DLG2: variants seen among roughly 807,000 people sequenced by gnomAD.
DLG2 encodes disks large homolog 2.
DLG2 carries 45 observed loss-of-function variants against 132.5 expected under a neutral mutation model. The observed-to-expected ratio is 0.34, with a 90% CI of 0.27 to 0.44. The LOEUF (loss-of-function observed/expected upper bound fraction) is 0.44, where lower values mean the gene tolerates loss of function less well. Among genes scored for constraint, DLG2 ranks in the 20% least tolerant of loss-of-function variants. The probability of loss-of-function intolerance (pLI) is 1.00; values close to 1 mark genes in which losing one functional copy is unlikely to be tolerated. For synonymous variants in DLG2, 424 were observed against 419.6 expected (o/e 1.01, Z -0.13); for missense variants, 1,045 against 1,196.9 (o/e 0.87, Z 1.87).
chr11:84,634,700 T>C (rs1189718644), intron 6 of DLG2, among the ~76,000 whole-genome samples: 2 of 152,226 alleles, frequency 1.3e-5, no homozygotes, highest in Non-Finnish European at 2.9e-5. Flanking sequence ...ATTTAATTTA[T>C]CCAAAGTTAT....
intron 4 of DLG2, among the ~76,000 whole-genome samples, chr11:85,195,419 G>A (rs566890597): frequency 6.6e-6 from 1 of 151,906 alleles, no homozygotes; most frequent in East Asian, 1.9e-4. Flanking sequence ...GGTCTGAGGA[G>A]AAGAAAATAA....
At position 85,356,840 on chromosome 11, in the gene DLG2, G is replaced by T. The variant is rs535263820; in HGVS notation, c.41-71475C>A. On this transcript the variant is annotated intron_variant, in intron 3 of 27. Transcript: ENST00000376104. ...GATAGATAGATAGAGATGATAGACAGACACACACTCTTTCATTTTGCTCAG... is the reference window on the plus strand; with the variant it reads ...GATAGATAGATAGAGATGATAGACATACACACACTCTTTCATTTTGCTCAG... Among the ~76,000 whole-genome samples, 6 of 151,702 alleles carry T rather than the reference G, an allele frequency of 4.0e-5. No individual in the cohort carries two copies. The South Asian group carries it at 1.3e-3, about 32-fold the overall frequency.
chr11:85,623,604 T>A (rs1198218065), intron 2 of DLG2, among the ~76,000 whole-genome samples: 1 of 152,092 alleles, frequency 6.6e-6, no homozygotes, highest in Non-Finnish European at 1.5e-5. Context: ...CGCCTGGCAA[T>A]AGGACAATTT....
intron 3 of DLG2, among the ~76,000 whole-genome samples, chr11:85,372,005 A>G (rs1170426407): frequency 6.6e-6 from 1 of 152,260 alleles, no homozygotes; most frequent in Non-Finnish European, 1.5e-5. Flanking sequence ...TATATTTCAA[A>G]ACTTATACAT....
intron 6 of DLG2, among the ~76,000 whole-genome samples, chr11:84,714,623 T>TTCTCTTTCTCTTTCTCTTTCTC (rs2060951658): frequency 9.5e-6 from 1 of 104,992 alleles, no homozygotes; most frequent in African/African-American, 4.3e-5. Flanking sequence ...CTCTTTCTCT[T>TTCTCTTTCTCTTTCTCTTTCTC]TCTCTCTCTC....
chr11:83,569,734 C>T (rs2096766862), intron 19 of DLG2, among the ~76,000 whole-genome samples: 2 of 152,150 alleles, frequency 1.3e-5, no homozygotes, highest in African/African-American at 2.4e-5. Context: ...GGACATGTCA[C>T]ACAACAAAGA....
chr11:85,461,984 G>A (rs2092630241), intron 3 of DLG2, among the ~76,000 whole-genome samples: 1 of 152,098 alleles, frequency 6.6e-6, no homozygotes, highest in Admixed American at 6.5e-5. Context: ...CCAAAAAGTG[G>A]GCAAAGGATA....
intron 6 of DLG2, among the ~76,000 whole-genome samples, chr11:85,054,173 G>A (rs1229985966): frequency 4.0e-5 from 6 of 151,508 alleles, no homozygotes; most frequent in African/African-American, 1.5e-4. Flanking sequence ...GCTGAGGCAC[G>A]AGAATCGCTT....
At chr11:84,840,257 C>T (rs989880416) in intron 6 of DLG2, among the ~76,000 whole-genome samples, 2 of 152,094 alleles carry the variant, frequency 1.3e-5, no homozygotes, top group African/African-American at 4.8e-5. Flanking sequence ...CATTACTGGC[C>T]ATCAGAGAAA....
chr11:85,334,635 A>C (rs2082002750), intron 3 of DLG2, among the ~76,000 whole-genome samples: 1 of 151,678 alleles, frequency 6.6e-6, no homozygotes, highest in Admixed American at 6.6e-5. Flanking sequence ...TCTTTTTTTC[A>C]TTGGTTCTAA....
intron 6 of DLG2, among the ~76,000 whole-genome samples, chr11:85,056,898 C>CA (rs1265739171): frequency 1.3e-5 from 2 of 151,656 alleles, no homozygotes; most frequent in African/African-American, 4.8e-5. Context: ...TTTCATCAAA[C>CA]AAAAAACAAT....
At chr11:85,062,023 G>A (rs2064196950) in intron 6 of DLG2, among the ~76,000 whole-genome samples, 1 of 151,768 alleles carries the variant, frequency 6.6e-6, no homozygotes, top group Non-Finnish European at 1.5e-5. Context: ...GAAGATTGAA[G>A]ATGAACATAA....
At chr11:84,810,241 T>C (rs545715317) in intron 6 of DLG2, among the ~76,000 whole-genome samples, 1 of 152,110 alleles carries the variant, frequency 6.6e-6, no homozygotes, top group Non-Finnish European at 1.5e-5. Flanking sequence ...TGAGAATATA[T>C]AAAGAACTGT....
chr11:84,837,770 T>C (rs1162515976), intron 6 of DLG2, among the ~76,000 whole-genome samples: 1 of 151,862 alleles, frequency 6.6e-6, no homozygotes, highest in Non-Finnish European at 1.5e-5. Flanking sequence ...AGTGGAATAA[T>C]AATGTAATTC....
At chr11:83,889,245 C>T (rs2068917732) in intron 15 of DLG2, among the ~76,000 whole-genome samples, 2 of 151,806 alleles carry the variant, frequency 1.3e-5, no homozygotes, top group African/African-American at 2.4e-5. Context: ...ACAATGAACT[C>T]AAACAAATTT....
In DLG2 at chr11:84,854,064, G is replaced by T. The variant is rs566882120; in HGVS notation, c.357+257597C>A. ...TTTGCTACAGACTCATAATACTGGG[G>T]ATTAACTAAGCCATTGCTTATATGT... On this transcript the variant is annotated intron_variant, in intron 6 of 27. Transcript: ENST00000376104. Among the ~76,000 whole-genome samples the T allele has an allele frequency of 7.9e-5, 12 of 152,068 alleles. No homozygotes were observed. In the South Asian group the frequency reaches 2.3e-3, roughly 29 times the overall value.
intron 14 of DLG2, among the ~76,000 whole-genome samples, chr11:83,931,513 T>G (rs1393945305): frequency 3.3e-5 from 5 of 152,236 alleles, no homozygotes; most frequent in Non-Finnish European, 7.3e-5. Context: ...TAGCACCATA[T>G]TCTGAGTCAC....
intron 7 of DLG2, among the ~76,000 whole-genome samples, chr11:84,387,157 G>A (rs566423380): frequency 5.3e-5 from 8 of 151,868 alleles, no homozygotes; most frequent in Admixed American, 2.0e-4. Flanking sequence ...CTGGGGCAGC[G>A]TCCCCAGGCT....
chr11:83,539,343 T>A lies in DLG2; in HGVS notation c.2117+2339A>T, dbSNP rs575017974. Among the ~76,000 whole-genome samples the A allele has an allele frequency of 1.3e-4, 20 of 152,152 alleles. No individual in the cohort carries two copies. The South Asian group carries it at 4.2e-3, about 32-fold the overall frequency. Reference sequence around the variant, plus strand: ...GTTATCCATTATAAGATTTAAAAAATTTTCCAGATCAGCACTACTAGGTAA... The same window carrying A: ...GTTATCCATTATAAGATTTAAAAAAATTTCCAGATCAGCACTACTAGGTAA... On this transcript the variant is annotated intron_variant, in intron 20 of 27. Coordinates refer to ENST00000376104, the MANE Select transcript of DLG2 (RefSeq NM_001142699.3).
Sources: gnomAD v4.1 joint callset for allele counts (sites outside exome capture counted in the v4.1 genomes callset) on GRCh38, gnomAD v4.1.1 for gene constraint, MANE v1.5 for transcripts, NCBI Gene and HGNC (gene_info 2026-07-23, HGNC 2026-07-21) for gene names.